The following ABCA13 variants were observed in gnomAD, a reference collection of about 807,000 sequenced individuals.
ABCA13 encodes ATP binding cassette subfamily A member 13.
Under a neutral mutation model 478.7 loss-of-function variants are expected in ABCA13, and 476 were observed. The ratio of observed to expected loss-of-function variants is 0.99; its 90% CI spans 0.92 to 1.07. ABCA13 has a LOEUF of 1.07. Among genes scored for constraint, ABCA13 ranks in the 50% least tolerant of loss-of-function variants. ABCA13 has a pLI of 0.00. For synonymous variants in ABCA13, 2,252 were observed against 2,158.9 expected, an observed-to-expected ratio of 1.04 and a Z score of -1.20; for missense variants, 6,060 against 5,910.6, an observed-to-expected ratio of 1.03 and a Z score of -0.83.
chr7:48,280,646 A>T (rs573629123), intron 18 of ABCA13, among the ~76,000 whole-genome samples: 34 of 152,202 alleles, frequency 2.2e-4, no homozygotes, highest in Admixed American at 8.5e-4. Flanking sequence ...TCTGGCCCAC[A>T]TGGAGATTGG....
rs150611767 is a variant in ABCA13 at position 48,633,776 on chromosome 7, C to A, written c.14838-9512C>A. ...TGGTGGCACGCACCTATAATCCCAG[C>A]TACTTGGGAGGTTGAGGCAGGAGAA... On this transcript the variant is annotated intron_variant, in intron 59 of 61. Transcript: ENST00000435803. Among the ~76,000 whole-genome samples the A allele has an allele frequency of 7.3e-3, 1,102 of 151,684 alleles. 20 individuals carry two copies. Among genetic ancestry groups the A allele is most frequent in the African/African-American group, 0.026 (1,068 of 41,344 alleles).
intron 46 of ABCA13, among the ~76,000 whole-genome samples, chr7:48,482,396 T>A (rs576813418): frequency 8.7e-4 from 132 of 152,232 alleles, no homozygotes; most frequent in South Asian, 2.7e-3. Flanking sequence ...TTTTTTTTTT[T>A]TTTGAAATGG....
At chr7:48,257,289 TA>T (rs1195756121) in intron 15 of ABCA13, among the ~76,000 whole-genome samples, 3 of 152,298 alleles carry the variant, frequency 2.0e-5, no homozygotes, top group African/African-American at 7.2e-5. Flanking sequence ...GGCTGCCTTT[TA>T]TTTCTTTCTC....
chr7:48,248,233 G>A lies in ABCA13; in HGVS notation c.1660-6G>A. The A allele has an allele frequency of 6.2e-7, 1 of 1,608,984 alleles. No homozygotes were observed. The highest frequency in any genetic ancestry group is 8.5e-7 in the Non-Finnish European group (1 of 1,176,110). On this transcript the variant is annotated splice_region_variant and splice_polypyrimidine_tract_variant and intron_variant, in intron 13 of 61. Transcript: ENST00000435803. ...ATTATAAGCAATATCTTCTTTTCTT[G>A]TTAAGGATCGTATTTTGCAAGAGGT...
chr7:48,233,577 A>G (rs886984798), intron 7 of ABCA13, among the ~76,000 whole-genome samples: 6 of 152,224 alleles, frequency 3.9e-5, no homozygotes, highest in Non-Finnish European at 7.3e-5. Flanking sequence ...ATTTTATGCT[A>G]TGGATATACT....
In ABCA13 at chr7:48,245,541, A is replaced by G; in HGVS notation, c.1420A>G (p.Asn474Asp). 1 of 1,612,598 alleles carries G rather than the reference A, an allele frequency of 6.2e-7. No individual in the cohort carries two copies. The highest frequency in any genetic ancestry group is 8.5e-7 in the Non-Finnish European group (1 of 1,179,526). Residue 474 changes from asparagine (N) to aspartate (D), a missense_variant, in exon 12 of 62, where the codon AAT (asparagine) becomes GAT (aspartate). Around this residue, in one of 3 missense-constraint regions of ABCA13, gnomAD observed 4,423 missense variants for 4,309.1 expected, o/e 1.03. Coordinates refer to ENST00000435803, the MANE Select transcript of ABCA13 (RefSeq NM_152701.5). Reference protein sequence around the residue: ...EVLICLETSANDFKWFELNQL... With the variant: ...EVLICLETSADDFKWFELNQL... ...CCTCATTTGCCTGGAGACATCAGCT[A>G]ATGATTTTAAATGGTTTGAACTTAA...
chr7:48,355,970 A>G (rs1809840277), intron 31 of ABCA13, among the ~76,000 whole-genome samples: 1 of 151,926 alleles, frequency 6.6e-6, no homozygotes, highest in South Asian at 2.1e-4. Context: ...ACTCTAAGAT[A>G]TTACCATGGG....
At chr7:48,295,357 A>G (rs780964030) in intron 20 of ABCA13, among the ~76,000 whole-genome samples, 1 of 152,066 alleles carries the variant, frequency 6.6e-6, no homozygotes, top group Non-Finnish European at 1.5e-5. Context: ...AGGTTCTTTG[A>G]CCATTTTTTA....
chr7:48,276,533 A>G lies in ABCA13; in HGVS notation c.6867A>G (p.Lys2289=). The G allele has an allele frequency of 6.2e-7, 1 of 1,611,978 alleles. No homozygotes were observed. Among genetic ancestry groups the G allele is most frequent in the Non-Finnish European group, 8.5e-7 (1 of 1,179,592 alleles). The change falls in exon 17 of 62, where the codon AAA becomes AAG. Residue 2289 remains lysine, a synonymous_variant. Coordinates refer to ENST00000435803, the MANE Select transcript of ABCA13 (RefSeq NM_152701.5). ...AGAACAAAATATCTCTTCTGCTGAAATATTTCCACAAAGATGTTATTGCAG... is the reference window on the plus strand; with the variant it reads ...AGAACAAAATATCTCTTCTGCTGAAGTATTTCCACAAAGATGTTATTGCAG... The part of the protein sequence containing the change: ...DSENKISLLL[K]YFHKDVIAEM...
intron 27 of ABCA13, among the ~76,000 whole-genome samples, chr7:48,331,180 C>T (rs1805343983): frequency 6.6e-6 from 1 of 152,122 alleles, no homozygotes; most frequent in Admixed American, 6.6e-5. Context: ...TTAATATTTT[C>T]CTCTATCTTA....
chr7:48,600,853 C>T (rs79271716), intron 58 of ABCA13, among the ~76,000 whole-genome samples: 5,799 of 152,234 alleles, frequency 0.038, 151 homozygotes, highest in Middle Eastern at 0.061. Flanking sequence ...TCATTTCTGA[C>T]GCATATCTGT....
chr7:48,444,140 C>A (rs974233960), intron 42 of ABCA13, among the ~76,000 whole-genome samples: 1 of 152,326 alleles, frequency 6.6e-6, no homozygotes, highest in South Asian at 2.1e-4. Context: ...ATGCCTCCCC[C>A]TGTCCTGAAT....
chr7:48,639,869 G>A lies in ABCA13; in HGVS notation c.14838-3419G>A, dbSNP rs114310827. Among the ~76,000 whole-genome samples the A allele has an allele frequency of 4.5e-3, 690 of 152,276 alleles. 5 individuals carry two copies. Among genetic ancestry groups the A allele is most frequent in the African/African-American group, 0.016 (651 of 41,554 alleles). On this transcript the variant is annotated intron_variant, in intron 59 of 61. Transcript: ENST00000435803. ...TCAGAAACTGAAATACAGTCGTAGA[G>A]TATGAGACATTAGTATGTTCCTTTA...
rs183029502 is a variant in ABCA13, at chr7:48,187,073, A to C, written c.70-5886A>C. On this transcript the variant is annotated intron_variant, in intron 1 of 61. Transcript: ENST00000435803. Reference sequence around the variant, plus strand: ...TATATATATCAGTCCCTGTCTCTCTATATATATCACAAATATATATACATA... The same window carrying C: ...TATATATATCAGTCCCTGTCTCTCTCTATATATCACAAATATATATACATA... 2.0e-3 allele frequency among the ~76,000 whole-genome samples: 299 copies of C among 149,830 alleles called. 1 individual carries two copies. Among genetic ancestry groups the C allele is most frequent in the African/African-American group, 6.6e-3 (269 of 40,974 alleles).
chr7:48,438,878 G>C (rs1325775338), intron 42 of ABCA13, among the ~76,000 whole-genome samples: 1 of 105,816 alleles, frequency 9.5e-6, no homozygotes, highest in African/African-American at 3.5e-5. Context: ...AGACAATTTT[G>C]CTAAGGTTTT....
chr7:48,367,801 A>G lies in ABCA13; in HGVS notation c.10696A>G (p.Asn3566Asp). The change falls in exon 32 of 62, where the codon AAC becomes GAC. Residue 3566 changes from asparagine to aspartate, a missense_variant. Transcript: ENST00000435803. The stretch of plus-strand genomic sequence containing the variant: ...TGAATTATCCCCTTACAGATTCCTG[A>G]ACAACGTTGGTTTCTTTTTTCCACT... Reference protein sequence around the residue: ...YPCHTSDLFLNNVGFFFPLIM... With the variant: ...YPCHTSDLFLDNVGFFFPLIM... The G allele has an allele frequency of 6.4e-7, 1 of 1,562,184 alleles. No homozygotes were observed. The highest frequency in any genetic ancestry group is 1.2e-5 in the South Asian group (1 of 84,704).
chr7:48,231,605 G>T (rs1224347394), intron 7 of ABCA13, among the ~76,000 whole-genome samples: 1 of 152,118 alleles, frequency 6.6e-6, no homozygotes, highest in African/African-American at 2.4e-5. Context: ...TCAGGATCCT[G>T]GGAGCAAGTC....
intron 51 of ABCA13, among the ~76,000 whole-genome samples, chr7:48,515,050 G>A (rs1218051518): frequency 6.6e-6 from 1 of 152,016 alleles, no homozygotes; most frequent in Non-Finnish European, 1.5e-5. Flanking sequence ...ATGAAAGGGG[G>A]TGCATACTAG....
Position 48,516,818 on chromosome 7 carries a change from T to C in ABCA13, c.13734T>C (p.Phe4578=). Residue 4578 remains phenylalanine (F), a synonymous_variant, in exon 52 of 62, where the codon TTT becomes TTC. Coordinates refer to ENST00000435803, the MANE Select transcript of ABCA13 (RefSeq NM_152701.5). ...CCTATGTCTCACTAAACTTCATCTT[T>C]GGCCTTTGTACCATGCTCATAACCA... The part of the protein sequence containing the change: ...FISYVSLNFI[F]GLCTMLITIM... The C allele has an allele frequency of 6.2e-7, 1 of 1,613,886 alleles. No individual in the cohort carries two copies. The highest frequency in any genetic ancestry group is 1.1e-5 in the South Asian group (1 of 91,080).
Sources: allele counts gnomAD v4.1 joint callset (sites outside exome capture counted in the v4.1 genomes callset), GRCh38; gene constraint gnomAD v4.1.1; regional missense constraint gnomAD v4.1.1; transcripts MANE v1.5; gene names NCBI Gene and HGNC (gene_info 2026-07-23, HGNC 2026-07-21).